Variants in SNX10 observed in about 807,000 individuals in gnomAD.
SNX10 encodes the protein sorting nexin-10.
Under a neutral mutation model 28.5 loss-of-function variants are expected in SNX10, and 25 were observed. The observed-to-expected ratio is 0.88, with a 90% confidence interval of 0.64 to 1.22. The LOEUF is 1.22. Among genes scored for constraint, SNX10 ranks in the 50% most tolerant of loss-of-function variants. The pLI is 0.00. For synonymous variants in SNX10, 62 were observed against 81.4 expected (o/e 0.76, Z 1.28); for missense variants, 223 against 242.6 (o/e 0.92, Z 0.54).
chr7:26,359,552 GTAAA>G (rs1584167521), intron 2 of SNX10, among the ~76,000 whole-genome samples: 3 of 152,088 alleles, frequency 2.0e-5, no homozygotes, highest in Admixed American at 2.0e-4. Flanking sequence ...TGATCACTGA[GTAAA>G]TAAGTTATAC....
At chr7:26,307,245 C>T (rs187326187) in intron 1 of SNX10, among the ~76,000 whole-genome samples, 6 of 152,304 alleles carry the variant, frequency 3.9e-5, no homozygotes, top group Admixed American at 2.0e-4. Context: ...GCTCTCCAGA[C>T]GCCTAAAGAC....
At chr7:26,315,551 C>T (rs1219345805) in intron 1 of SNX10, among the ~76,000 whole-genome samples, 1 of 151,712 alleles carries the variant, frequency 6.6e-6, no homozygotes, top group Admixed American at 6.6e-5. Context: ...GCCTGTAATC[C>T]CAGCTACTCG....
chr7:26,368,827 A>AT (rs201833168), intron 5 of SNX10, among the ~76,000 whole-genome samples: 1,731 of 150,434 alleles, frequency 0.012, 27 homozygotes, highest in African/African-American at 0.038. Flanking sequence ...GGCTGAGTTA[A>AT]TTTTTTTTTT....
intron 1 of SNX10, among the ~76,000 whole-genome samples, chr7:26,296,536 A>G (rs75264288): frequency 0.016 from 2,494 of 152,272 alleles, 67 homozygotes; most frequent in African/African-American, 0.057. Context: ...TACTAATAAT[A>G]AGAAAAATAA....
At chr7:26,359,005 T>A (rs1584166803) in intron 2 of SNX10, among the ~76,000 whole-genome samples, 1 of 151,644 alleles carries the variant, frequency 6.6e-6, no homozygotes, top group East Asian at 1.9e-4. Context: ...GGGGTTTCAC[T>A]ATGTTGGCCA....
At chr7:26,300,903 C>T (rs1786309235) in intron 1 of SNX10, among the ~76,000 whole-genome samples, 1 of 151,208 alleles carries the variant, frequency 6.6e-6, no homozygotes, top group South Asian at 2.1e-4. Context: ...CCTGTAGTCC[C>T]AGCTACTCGG....
At chr7:26,345,667 C>G (rs1165141563) in intron 1 of SNX10, among the ~76,000 whole-genome samples, 1 of 152,208 alleles carries the variant, frequency 6.6e-6, no homozygotes, top group African/African-American at 2.4e-5. Flanking sequence ...CAGACACATA[C>G]TGATATTATC....
chr7:26,346,313 G>A, intron 1 of SNX10, 107 bp from the exon 2 acceptor site: 5 of 755,662 alleles, frequency 6.6e-6, no homozygotes, highest in Non-Finnish European at 9.6e-6. Flanking sequence ...CAGGGACTGT[G>A]GGGCGGGGGG....
intron 5 of SNX10, among the ~76,000 whole-genome samples, chr7:26,368,969 C>T (rs574482883): frequency 1.1e-3 from 161 of 152,186 alleles, no homozygotes; most frequent in Non-Finnish European, 1.8e-3. Flanking sequence ...TCAGCTAAAC[C>T]AGCATATAAT....
intron 2 of SNX10, among the ~76,000 whole-genome samples, chr7:26,348,830 C>T (rs1788489762): frequency 1.3e-5 from 2 of 152,174 alleles, no homozygotes; most frequent in Non-Finnish European, 2.9e-5. Context: ...ACTCTGACCC[C>T]CATGGACTTT....
chr7:26,298,391 T>G (rs1786191908), intron 1 of SNX10, among the ~76,000 whole-genome samples: 2 of 152,190 alleles, frequency 1.3e-5, no homozygotes, highest in African/African-American at 4.8e-5. Flanking sequence ...AATAATCAGA[T>G]AAGTGTGGAT....
chr7:26,339,583 G>A (rs1037228727), intron 1 of SNX10, among the ~76,000 whole-genome samples: 4 of 147,566 alleles, frequency 2.7e-5, no homozygotes, highest in East Asian at 2.0e-4. Context: ...AGGTTGGAGT[G>A]CAGTGGCATG....
At chr7:26,326,056 G>T (rs1434746896) in intron 1 of SNX10, among the ~76,000 whole-genome samples, 1 of 152,092 alleles carries the variant, frequency 6.6e-6, no homozygotes, top group Non-Finnish European at 1.5e-5. Flanking sequence ...AATACGTTAT[G>T]AATAGTCTTT....
chr7:26,363,700 C>G (rs563587720), intron 3 of SNX10, among the ~76,000 whole-genome samples: 1 of 152,314 alleles, frequency 6.6e-6, no homozygotes, highest in African/African-American at 2.4e-5. Flanking sequence ...CTGAGCTTAG[C>G]ATGGGGACAC....
intron 1 of SNX10, among the ~76,000 whole-genome samples, chr7:26,328,946 C>G (rs1787616038): frequency 6.6e-6 from 1 of 152,184 alleles, no homozygotes; most frequent in East Asian, 1.9e-4. Context: ...CCTCCTTCCC[C>G]TTGTACACAC....
intron 2 of SNX10, among the ~76,000 whole-genome samples, chr7:26,348,498 A>G (rs963223694): frequency 2.6e-5 from 4 of 152,378 alleles, no homozygotes; most frequent in African/African-American, 9.6e-5. Context: ...AGCCAAAGCA[A>G]GAGCTGGACG....
At chr7:26,335,973 C>T (rs993438426) in intron 1 of SNX10, among the ~76,000 whole-genome samples, 6 of 151,874 alleles carry the variant, frequency 4.0e-5, no homozygotes, top group African/African-American at 1.4e-4. Context: ...CCTCGTGATC[C>T]GCCCGCCTCG....
intron 1 of SNX10, among the ~76,000 whole-genome samples, chr7:26,297,537 T>C (rs1017384356): frequency 5.9e-5 from 9 of 152,188 alleles, no homozygotes; most frequent in Non-Finnish European, 1.2e-4. Context: ...ACATGAACTT[T>C]GGCTACATTT....
At chr7:26,322,435 A>G (rs945582651) in intron 1 of SNX10, among the ~76,000 whole-genome samples, 1 of 152,236 alleles carries the variant, frequency 6.6e-6, no homozygotes, top group Non-Finnish European at 1.5e-5. Flanking sequence ...AGTCCTTTAA[A>G]TTGAGAGATT....
Sources: gnomAD v4.1 joint callset for allele counts (sites outside exome capture counted in the v4.1 genomes callset) on GRCh38, gnomAD v4.1.1 for gene constraint, MANE v1.5 for transcripts, NCBI Gene and HGNC (gene_info 2026-07-23, HGNC 2026-07-21) for gene names.